The following STAM variants were observed in gnomAD, a reference collection of about 807,000 sequenced individuals.
STAM encodes the protein signal transducing adapter molecule 1.
In STAM, 16 loss-of-function variants were observed where a neutral mutation model predicts 63.4. That is an observed-to-expected ratio of 0.25 (90% CI 0.17 to 0.38). The LOEUF (loss-of-function observed/expected upper bound fraction) is 0.38. STAM is among the 10% of genes least tolerant of loss of function. The pLI is 1.00. For missense variants in STAM, 636 were observed against 657.1 expected (o/e 0.97, Z 0.35); for synonymous variants, 238 against 223.9 (o/e 1.06, Z -0.56).
At chr10:17,701,281 A>G (rs1835983128) in intron 9 of STAM, among the ~76,000 whole-genome samples, 1 of 152,326 alleles carries the variant, frequency 6.6e-6, no homozygotes, top group South Asian at 2.1e-4. Flanking sequence ...AAAAATAAAA[A>G]GTATGTTTGT....
At chr10:17,685,535 A>C (rs1206438147) in intron 4 of STAM, among the ~76,000 whole-genome samples, 1 of 152,134 alleles carries the variant, frequency 6.6e-6, no homozygotes, top group Admixed American at 6.6e-5. Flanking sequence ...GGGAACTTAC[A>C]CAGGAGGGCT....
chr10:17,661,325 A>C (rs782242673), intron 2 of STAM, among the ~76,000 whole-genome samples: 4 of 152,166 alleles, frequency 2.6e-5, no homozygotes, highest in Non-Finnish European at 5.9e-5. Flanking sequence ...GCTGCATTAC[A>C]CTTGATATTT....
At chr10:17,670,238 T>C in intron 2 of STAM, among the ~76,000 whole-genome samples, 1 of 152,214 alleles carries the variant, frequency 6.6e-6, no homozygotes, top group Non-Finnish European at 1.5e-5. Context: ...ATTTTACTTT[T>C]TTATTTTACT....
intron 9 of STAM, among the ~76,000 whole-genome samples, chr10:17,702,053 T>C (rs971071125): frequency 2.0e-5 from 3 of 152,150 alleles, no homozygotes; most frequent in Non-Finnish European, 2.9e-5. Context: ...ATTGCTATAA[T>C]AGCTTGATTA....
intron 1 of STAM, among the ~76,000 whole-genome samples, chr10:17,651,832 A>G (rs1292072483): frequency 6.6e-6 from 1 of 152,202 alleles, no homozygotes; most frequent in Non-Finnish European, 1.5e-5. Context: ...GGCTGACTGA[A>G]TGACAGTCCT....
chr10:17,660,570 G>A, intron 2 of STAM, 22 bp downstream of exon 2: 1 of 1,558,830 alleles, frequency 6.4e-7, no homozygotes, highest in Non-Finnish European at 8.7e-7. Flanking sequence ...GCGTTTCAAA[G>A]GATTTTTATT....
chr10:17,705,155 G>T (rs1564569827), intron 11 of STAM, 131 bp downstream of exon 11: 3 of 711,172 alleles, frequency 4.2e-6, no homozygotes, highest in Non-Finnish European at 4.7e-6. Flanking sequence ...CACATATCTT[G>T]TGCTAGATGT....
At chr10:17,704,407 A>G (rs782084768) in intron 9 of STAM, 24 bp from the exon 10 acceptor site, 43 of 1,598,148 alleles carry the variant, frequency 2.7e-5, no homozygotes, top group Middle Eastern at 3.3e-4. Flanking sequence ...GTAGCTTTTT[A>G]TATTAACTAC....
At chr10:17,666,205 G>A (rs1387547347) in intron 2 of STAM, among the ~76,000 whole-genome samples, 3 of 152,102 alleles carry the variant, frequency 2.0e-5, no homozygotes, top group African/African-American at 7.2e-5. Context: ...AGATATAGTT[G>A]ACTAAAGGTG....
At position 17,693,221 on chromosome 10, in the gene STAM, GGCTGCAGAACAA is replaced by G. The variant is rs1554826988; in HGVS notation, c.447_458del (p.Ala150_Ala153del). 3.1e-6 allele frequency: 5 copies of G among 1,611,130 alleles called. No individual in the cohort carries two copies. Among genetic ancestry groups the G allele is most frequent in the Non-Finnish European group, 3.4e-6 (4 of 1,178,984 alleles). On this transcript the variant is annotated inframe_deletion and splice_region_variant, in exon 6 of 14. Transcript: ENST00000377524. ...AATACTGTGTTCCTCTTTTTTGTTA[GGCTGCAGAACAA>G]GCAAAAGCAAGCCCAGCTCTTGTAG...
At chr10:17,700,579 G>T (rs913383510) in intron 9 of STAM, among the ~76,000 whole-genome samples, 3 of 134,082 alleles carry the variant, frequency 2.2e-5, no homozygotes, top group Non-Finnish European at 5.0e-5. Context: ...TTACAGTGTA[G>T]TAGTGAGATT....
chr10:17,650,121 T>C, intron 1 of STAM, among the ~76,000 whole-genome samples: 1 of 152,222 alleles, frequency 6.6e-6, no homozygotes, highest in Non-Finnish European at 1.5e-5. Context: ...GTCAGCCTCA[T>C]AAATCATAAG....
At chr10:17,704,841 G>T in intron 10 of STAM, 129 bp from the exon 11 acceptor site, 1 of 799,108 alleles carries the variant, frequency 1.3e-6, no homozygotes, top group Non-Finnish European at 2.0e-6. Context: ...GTAGACTAAG[G>T]TTAAAGAATG....
chr10:17,684,563 C>A, intron 2 of STAM, 112 bp from the exon 3 acceptor site: 1 of 713,394 alleles, frequency 1.4e-6, no homozygotes, highest in Non-Finnish European at 2.2e-6. Flanking sequence ...ATTAAATTTC[C>A]CTACTTTATC....
chr10:17,714,469 A>G, intron 13 of STAM, 74 bp from the exon 14 acceptor site: 1 of 1,384,140 alleles, frequency 7.2e-7, no homozygotes, highest in Non-Finnish European at 1.0e-6. Context: ...TGCTTAGTAA[A>G]TAGCTTTTCC....
chr10:17,650,747 T>C (rs1189589045), intron 1 of STAM, among the ~76,000 whole-genome samples: 3 of 152,166 alleles, frequency 2.0e-5, no homozygotes, highest in African/African-American at 7.2e-5. Flanking sequence ...AATGTGAATG[T>C]ACGCGTGGCC....
At chr10:17,669,008 T>C (rs141435638) in intron 2 of STAM, among the ~76,000 whole-genome samples, 370 of 152,358 alleles carry the variant, frequency 2.4e-3, no homozygotes, top group African/African-American at 8.5e-3. Context: ...ATGGTAAGAC[T>C]GTTTATCTTT....
chr10:17,704,988 G>A lies in STAM; in HGVS notation c.1019G>A (p.Gly340Glu), dbSNP rs782441042. The A allele has an allele frequency of 4.3e-5, 69 of 1,612,846 alleles. No homozygotes were observed. The highest frequency in any genetic ancestry group is 5.8e-5 in the Non-Finnish European group (68 of 1,179,560). ...ATTTTAGCAATGTGTCACCAGATGG[G>A]ACCTCTCATTGATGAAAAGCTGGAA... is the stretch of plus-strand genomic sequence containing the variant. ...LHLEAMCHQM[G>E]PLIDEKLEDI... Residue 340 changes from glycine (G) to glutamate (E), a missense_variant, in exon 11 of 14, where the codon GGA becomes GAA. Physicochemically the swap from Gly to Glu is moderately conservative, Grantham distance 98. This residue lies in a region of STAM where 532 missense variants were observed against 536.9 expected (regional missense o/e 0.99). Transcript: ENST00000377524.
chr10:17,662,427 GT>G (rs1404225240), intron 2 of STAM, among the ~76,000 whole-genome samples: 1 of 152,030 alleles, frequency 6.6e-6, no homozygotes, highest in Non-Finnish European at 1.5e-5. Flanking sequence ...ACTGACAATG[GT>G]ATGATCCTCT....
Sources: gnomAD v4.1 joint callset for allele counts (sites outside exome capture counted in the v4.1 genomes callset) on GRCh38, gnomAD v4.1.1 for gene constraint, gnomAD v4.1.1 regional missense constraint, MANE v1.5 for transcripts, NCBI Gene and HGNC (gene_info 2026-07-23, HGNC 2026-07-21) for gene names.